RAD54L2: variants seen among roughly 807,000 people sequenced by gnomAD.
RAD54L2 encodes the protein RAD54 like 2.
Under a neutral mutation model 138.4 loss-of-function variants are expected in RAD54L2, and 27 were observed. That is an observed-to-expected ratio of 0.20 (90% CI 0.14 to 0.27). The LOEUF is 0.27. RAD54L2 is among the 10% of genes least tolerant of loss of function. The probability of loss-of-function intolerance (pLI) is 1.00; values close to 1 mark genes in which losing one functional copy is unlikely to be tolerated. For missense variants in RAD54L2, 1,396 were observed against 1,890.2 expected, an observed-to-expected ratio of 0.74 and a Z score of 4.85; for synonymous variants, 644 against 723.2, an observed-to-expected ratio of 0.89 and a Z score of 1.76.
intron 3 of RAD54L2, among the ~76,000 whole-genome samples, chr3:51,591,498 C>T (rs761505611): frequency 5.7e-4 from 87 of 152,278 alleles, no homozygotes; most frequent in Non-Finnish European, 3.8e-4. Flanking sequence ...TTACTATCTT[C>T]AGTTCTCATT....
In RAD54L2 at chr3:51,662,311, A is replaced by T. The variant is rs1267866992; in HGVS notation, c.3410-115A>T. The T allele has an allele frequency of 1.0e-6, 1 of 964,220 alleles. No individual in the cohort carries two copies. Among genetic ancestry groups the T allele is most frequent in the Non-Finnish European group, 1.5e-6 (1 of 684,518 alleles). The allele number at this position is 964,220 out of a possible 1,614,324, so 59.7% of individuals were successfully genotyped here. A position where few individuals can be genotyped will look rare whatever the true frequency, so the allele number is the denominator to read the frequency against. On this transcript the variant is annotated intron_variant, in intron 22 of 22. Transcript: ENST00000684192. The surrounding 1 kb of genome is among the most constrained non-coding windows in gnomAD (Gnocchi z 4.6). ...ACTGGGTGATGTTGTTCAGACATCA[A>T]ACTATTAGAATTTTGGGGACTACAG...
intron 2 of RAD54L2, among the ~76,000 whole-genome samples, chr3:51,576,332 G>T (rs1167764338): frequency 6.6e-6 from 1 of 152,152 alleles, no homozygotes; most frequent in Non-Finnish European, 1.5e-5. Context: ...TCTTTGCCAG[G>T]CTTTGGTATC....
chr3:51,610,674 A>G (rs1700309031), intron 3 of RAD54L2, among the ~76,000 whole-genome samples: 2 of 152,082 alleles, frequency 1.3e-5, no homozygotes, highest in African/African-American at 4.8e-5. Context: ...GAATGAATGA[A>G]TCTTCTTTAA....
chr3:51,616,200 T>C (rs762820772), intron 3 of RAD54L2, among the ~76,000 whole-genome samples: 5 of 152,188 alleles, frequency 3.3e-5, no homozygotes, highest in Non-Finnish European at 5.9e-5. Flanking sequence ...ATCCTACTGA[T>C]CTATCAAACA....
At position 51,607,482 on chromosome 3, in the gene RAD54L2, A is replaced by C. The variant is rs563088286; in HGVS notation, c.139+16923A>C. The stretch of plus-strand genomic sequence containing the variant: ...AAGAACTTTTCCTAGTACAGAACAA[A>C]ATGGAGTCTCCTATGTCTACTTCTT... On this transcript the variant is annotated intron_variant, in intron 3 of 22. Transcript: ENST00000684192. Among the ~76,000 whole-genome samples the C allele has an allele frequency of 4.6e-5, 7 of 152,314 alleles. No homozygotes were observed. In the East Asian group the frequency reaches 1.2e-3, roughly 25 times the overall value.
At chr3:51,590,779 C>G (rs1699822953) in intron 3 of RAD54L2, among the ~76,000 whole-genome samples, 1 of 152,108 alleles carries the variant, frequency 6.6e-6, no homozygotes, top group Non-Finnish European at 1.5e-5. Context: ...GAACCTTTAG[C>G]CTTTAGCTTG....
intron 2 of RAD54L2, among the ~76,000 whole-genome samples, chr3:51,571,648 G>A (rs1261622005): frequency 6.6e-5 from 10 of 151,988 alleles, no homozygotes; most frequent in Non-Finnish European, 1.3e-4. Flanking sequence ...GATTACAGGC[G>A]TGAACCACCA....
intron 3 of RAD54L2, among the ~76,000 whole-genome samples, chr3:51,620,490 A>C (rs1271738827): frequency 6.8e-6 from 1 of 146,432 alleles, no homozygotes; most frequent in East Asian, 2.0e-4. Context: ...TGCATGTCTC[A>C]GGAGTTCAGT....
chr3:51,552,783 C>T (rs1698870962), intron 2 of RAD54L2, among the ~76,000 whole-genome samples: 1 of 151,268 alleles, frequency 6.6e-6, no homozygotes. Context: ...TGATTTTGAA[C>T]CTCTGGGCTC....
intron 3 of RAD54L2, among the ~76,000 whole-genome samples, chr3:51,605,451 G>GGTT (rs374550251): frequency 9.2e-6 from 1 of 109,246 alleles, no homozygotes. Context: ...GAATTTGAGG[G>GGTT]TTTTTTTTTT....
chr3:51,601,450 C>CAA (rs755385639), intron 3 of RAD54L2, among the ~76,000 whole-genome samples: 1 of 151,608 alleles, frequency 6.6e-6, no homozygotes, highest in Non-Finnish European at 1.5e-5. Context: ...TGGGGTTACA[C>CAA]GCACGTGCCA....
At chr3:51,545,522 A>C (rs1365301931) in intron 2 of RAD54L2, among the ~76,000 whole-genome samples, 1 of 152,056 alleles carries the variant, frequency 6.6e-6, no homozygotes, top group Non-Finnish European at 1.5e-5. Context: ...AAATAACTTG[A>C]GTATACTACC....
chr3:51,643,427 AC>A, intron 15 of RAD54L2, among the ~76,000 whole-genome samples: 2 of 152,104 alleles, frequency 1.3e-5, no homozygotes. Context: ...ATGTCTCTTT[AC>A]AGCAAGTTCT....
chr3:51,573,221 G>C (rs566949267), intron 2 of RAD54L2, among the ~76,000 whole-genome samples: 1 of 152,216 alleles, frequency 6.6e-6, no homozygotes, highest in East Asian at 1.9e-4. Flanking sequence ...CATTGATCAT[G>C]CTTAGAGCCT....
intron 5 of RAD54L2, 128 bp from the exon 6 acceptor site, chr3:51,630,144 C>T (rs546442113): frequency 1.5e-6 from 1 of 677,970 alleles, no homozygotes; most frequent in African/African-American, 1.8e-5. Context: ...GAGATGGGCT[C>T]TGCTTCTCTT....
At chr3:51,598,839 A>G (rs544932348) in intron 3 of RAD54L2, among the ~76,000 whole-genome samples, 1 of 152,048 alleles carries the variant, frequency 6.6e-6, no homozygotes, top group Non-Finnish European at 1.5e-5. Flanking sequence ...GGTGTCACAC[A>G]AAGGGAGGGT....
intron 22 of RAD54L2, among the ~76,000 whole-genome samples, chr3:51,660,494 G>A (rs1234289620): frequency 6.6e-6 from 1 of 151,706 alleles, no homozygotes; most frequent in Non-Finnish European, 1.5e-5. Flanking sequence ...TGTATTTTTA[G>A]TAGAGACGGC....
chr3:51,631,417 ACT>A (rs1234990762), intron 7 of RAD54L2, among the ~76,000 whole-genome samples: 5 of 140,856 alleles, frequency 3.5e-5, no homozygotes, highest in African/African-American at 1.3e-4. Context: ...ACGATTAAGA[ACT>A]CTTTTTTTTT....
intron 15 of RAD54L2, among the ~76,000 whole-genome samples, chr3:51,643,447 G>A (rs1361913847): frequency 2.6e-5 from 4 of 152,190 alleles, no homozygotes; most frequent in African/African-American, 9.7e-5. Context: ...CTTAGCTTCA[G>A]GAGCTGGTTA....
Sources: gnomAD v4.1 joint callset for allele counts (sites outside exome capture counted in the v4.1 genomes callset) on GRCh38, gnomAD v4.1.1 for gene constraint, Gnocchi (gnomAD v3.1) non-coding constraint, MANE v1.5 for transcripts, NCBI Gene and HGNC (gene_info 2026-07-23, HGNC 2026-07-21) for gene names.